CNTN3: variants seen among roughly 807,000 people sequenced by gnomAD.
CNTN3 encodes the protein contactin 3.
Under a neutral mutation model 119.1 loss-of-function variants are expected in CNTN3, and 60 were observed. The ratio of observed to expected loss-of-function variants is 0.50; its 90% CI spans 0.41 to 0.62. CNTN3 has a LOEUF of 0.62. Ranked by LOEUF, CNTN3 falls within the 20% of genes least tolerant of loss-of-function variation. The probability of loss-of-function intolerance (pLI) is 0.00; values close to 1 mark genes in which losing one functional copy is unlikely to be tolerated. For missense variants in CNTN3, 1,101 were observed against 1,242.4 expected (o/e 0.89, Z 1.71); for synonymous variants, 450 against 438.7 (o/e 1.03, Z -0.32).
At chr3:74,392,580 C>G (rs372971667) in intron 5 of CNTN3, among the ~76,000 whole-genome samples, 93 of 152,254 alleles carry the variant, frequency 6.1e-4, no homozygotes, top group African/African-American at 2.1e-3. Context: ...ACAGAGAGAA[C>G]TTGGTGCTAA....
At chr3:74,427,128 G>C (rs1701707467) in intron 4 of CNTN3, among the ~76,000 whole-genome samples, 1 of 152,192 alleles carries the variant, frequency 6.6e-6, no homozygotes, top group African/African-American at 2.4e-5. Context: ...TACTCTTTCT[G>C]CAGTGCACGA....
chr3:74,403,735 G>A (rs548676945), intron 5 of CNTN3, among the ~76,000 whole-genome samples: 1 of 152,116 alleles, frequency 6.6e-6, no homozygotes, highest in Admixed American at 6.6e-5. Flanking sequence ...CCAAAAGAAA[G>A]TTATTGGGCC....
intron 1 of CNTN3, among the ~76,000 whole-genome samples, chr3:74,558,094 T>G (rs1426924424): frequency 2.0e-5 from 3 of 152,278 alleles, no homozygotes; most frequent in Non-Finnish European, 4.4e-5. Flanking sequence ...TGTATCTCCC[T>G]CTTTAGGGAT....
At chr3:74,346,682 A>G (rs950156451) in intron 11 of CNTN3, among the ~76,000 whole-genome samples, 4 of 152,160 alleles carry the variant, frequency 2.6e-5, no homozygotes, top group Non-Finnish European at 5.9e-5. Flanking sequence ...ACCAATCTGT[A>G]TTTTCCACAG....
In CNTN3 at chr3:74,614,432, CTCGCCGCCGCCGCCG is replaced by C. The variant is rs1705135877; in HGVS notation, c.-137_-123del. Among the ~76,000 whole-genome samples the C allele has an allele frequency of 8.5e-6, 1 of 117,286 alleles. No homozygotes were observed. The highest frequency in any genetic ancestry group is 3.7e-5 in the African/African-American group (1 of 27,240). The allele number at this position is 117,286 out of a possible 152,430, so 76.9% of individuals were successfully genotyped here. Reference sequence around the variant, plus strand: ...GCCAGACGCCCGCCCCGACGGCCCACTCGCCGCCGCCGCCGCCGCCGCCGCCGCCGCCACCGCCGC... The same window carrying C: ...GCCAGACGCCCGCCCCGACGGCCCACCCGCCGCCGCCGCCGCCACCGCCGC... On this transcript the variant is annotated 5_prime_UTR_variant, in exon 1 of 23. Transcript: ENST00000263665.
At chr3:74,518,113 G>C (rs1476836155) in intron 2 of CNTN3, among the ~76,000 whole-genome samples, 1 of 151,904 alleles carries the variant, frequency 6.6e-6, no homozygotes, top group African/African-American at 2.4e-5. Flanking sequence ...TTAAATGTTT[G>C]TTGAACTCTA....
At chr3:74,379,597 C>T (rs1486615167) in intron 5 of CNTN3, among the ~76,000 whole-genome samples, 1 of 152,110 alleles carries the variant, frequency 6.6e-6, no homozygotes, top group Non-Finnish European at 1.5e-5. Flanking sequence ...TTTTTGCTTG[C>T]ATTCTGTATC....
rs1704204414 is a variant in CNTN3, at chr3:74,366,792, A to G, written c.947-1090T>C. ...TGTGTGTGTGTGTGTATATATATAT[A>G]TATATATATATATATAACTTGCTCA... On this transcript the variant is annotated intron_variant, in intron 8 of 22. Coordinates refer to ENST00000263665, the MANE Select transcript of CNTN3 (RefSeq NM_020872.3). 1.0e-4 allele frequency among the ~76,000 whole-genome samples: 13 copies of G among 129,076 alleles called. No individual in the cohort carries two copies. In the South Asian group the frequency reaches 2.9e-3, roughly 29 times the overall value. The allele number at this position is 129,076 out of a possible 152,430, so 84.7% of individuals were successfully genotyped here. A position where few individuals can be genotyped will look rare whatever the true frequency, so the allele number is the denominator to read the frequency against.
Position 74,344,670 on chromosome 3 carries a change from A to G in CNTN3, c.1365-8012T>C, listed in dbSNP as rs115419932. ...TAGACGAGGTTTCACCGTGTTAGCT[A>G]GGATGGTCGCAATTTCCTGACCTCG... On this transcript the variant is annotated intron_variant, in intron 11 of 22. Transcript: ENST00000263665. 5.1e-3 allele frequency among the ~76,000 whole-genome samples: 769 copies of G among 152,054 alleles called. 5 individuals carry two copies. Among genetic ancestry groups the G allele is most frequent in the African/African-American group, 0.017 (701 of 41,478 alleles).
At chr3:74,355,582 G>A (rs1255416285) in intron 11 of CNTN3, among the ~76,000 whole-genome samples, 8 of 151,980 alleles carry the variant, frequency 5.3e-5, no homozygotes, top group Non-Finnish European at 1.0e-4. Context: ...AGTCTCCCCA[G>A]TAGCTGTGAT....
intron 1 of CNTN3, among the ~76,000 whole-genome samples, chr3:74,573,438 T>C (rs932484904): frequency 3.3e-5 from 5 of 152,146 alleles, no homozygotes; most frequent in African/African-American, 9.7e-5. Flanking sequence ...CATATGAGCA[T>C]GTGTGGACTT....
In CNTN3 at chr3:74,301,815, G is replaced by C. The variant is rs1201104433; in HGVS notation, c.1787-10C>G. On this transcript the variant is annotated splice_polypyrimidine_tract_variant and intron_variant, in intron 14 of 22. Coordinates refer to ENST00000263665, the MANE Select transcript of CNTN3 (RefSeq NM_020872.3). ...GGTGGTCCAGGTGAACCTAAGGAAGGCACAAATGGAAACATTGAGTAGCAG... is the reference window on the plus strand; with the variant it reads ...GGTGGTCCAGGTGAACCTAAGGAAGCCACAAATGGAAACATTGAGTAGCAG... 6.2e-7 allele frequency: 1 copy of C among 1,612,872 alleles called. No homozygotes were observed. Among genetic ancestry groups the C allele is most frequent in the Non-Finnish European group, 8.5e-7 (1 of 1,179,450 alleles).
chr3:74,356,720 G>A (rs1351743024), intron 11 of CNTN3, among the ~76,000 whole-genome samples: 2 of 152,002 alleles, frequency 1.3e-5, no homozygotes, highest in Non-Finnish European at 2.9e-5. Flanking sequence ...GCTTTTTGAA[G>A]ACCTCTGTTG....
intron 4 of CNTN3, among the ~76,000 whole-genome samples, chr3:74,472,900 G>A (rs1218601921): frequency 3.3e-5 from 5 of 152,006 alleles, no homozygotes; most frequent in Admixed American, 6.6e-5. Context: ...AGGCTTCTAC[G>A]GATTTTAACA....
At chr3:74,441,194 A>T (rs1028525075) in intron 4 of CNTN3, among the ~76,000 whole-genome samples, 2 of 152,026 alleles carry the variant, frequency 1.3e-5, no homozygotes, top group Admixed American at 1.3e-4. Context: ...CCCAGAAAAA[A>T]CCCATCAACC....
chr3:74,388,890 A>C (rs1431794664), intron 5 of CNTN3, among the ~76,000 whole-genome samples: 1 of 152,076 alleles, frequency 6.6e-6, no homozygotes, highest in Admixed American at 6.6e-5. Flanking sequence ...TTCATTTCTT[A>C]TGTTAGTTAC....
chr3:74,528,868 T>C (rs1225179525), intron 1 of CNTN3, among the ~76,000 whole-genome samples: 1 of 151,900 alleles, frequency 6.6e-6, no homozygotes, highest in Non-Finnish European at 1.5e-5. Flanking sequence ...GCACATGCAC[T>C]GCAGTAATGC....
At chr3:74,595,955 C>G (rs1238193386) in intron 1 of CNTN3, among the ~76,000 whole-genome samples, 2 of 151,932 alleles carry the variant, frequency 1.3e-5, no homozygotes, top group African/African-American at 2.4e-5. Context: ...TGTCTCAGCC[C>G]AAAATCTCCT....
At chr3:74,598,861 G>T (rs528387712) in intron 1 of CNTN3, among the ~76,000 whole-genome samples, 1 of 151,836 alleles carries the variant, frequency 6.6e-6, no homozygotes, top group Non-Finnish European at 1.5e-5. Flanking sequence ...GAGAAATTTC[G>T]CAGTTTAGAT....
Sources: allele counts gnomAD v4.1 joint callset (sites outside exome capture counted in the v4.1 genomes callset), GRCh38; gene constraint gnomAD v4.1.1; transcripts MANE v1.5; gene names NCBI Gene and HGNC (gene_info 2026-07-23, HGNC 2026-07-21).